Variants in RBM20 observed in about 807,000 individuals in gnomAD.
The protein encoded by RBM20 is RNA binding motif protein 20.
RBM20 carries 51 observed loss-of-function variants against 110.1 expected under a neutral mutation model. That is an observed-to-expected ratio of 0.46 (90% CI 0.37 to 0.59). The LOEUF is 0.59. Among genes scored for constraint, RBM20 ranks in the 20% least tolerant of loss-of-function variants. The probability of loss-of-function intolerance (pLI) is 0.00; values close to 1 mark genes in which losing one functional copy is unlikely to be tolerated. For synonymous variants in RBM20, 589 were observed against 618.2 expected (o/e 0.95, Z 0.70); for missense variants, 1,512 against 1,574.9 (o/e 0.96, Z 0.68).
At chr10:110,688,797 T>G (rs1862542444) in intron 1 of RBM20, among the ~76,000 whole-genome samples, 1 of 152,186 alleles carries the variant, frequency 6.6e-6, no homozygotes, top group South Asian at 2.1e-4. Flanking sequence ...CTATGGACAT[T>G]ATTCAGATTT....
chr10:110,835,820 G>A (rs1845118670), intron 13 of RBM20, 48 bp from the exon 14 acceptor site: 1 of 1,537,468 alleles, frequency 6.5e-7, no homozygotes, highest in South Asian at 1.2e-5. Flanking sequence ...CTCCATCTAG[G>A]TCCCTACTAA....
In RBM20 at chr10:110,821,476, T is replaced by A. The variant is rs1844908719; in HGVS notation, c.2857T>A (p.Leu953Ile). ...PETCLCVTTT[L>I]DLDLAQDFPK... ...AACATGTCTGTGTGTGACAACCACC[T>A]TAGACTTAGACCTGGCCCAGGATTT... The change falls in exon 11 of 14, where the codon TTA becomes ATA. Residue 953 changes from leucine (L) to isoleucine (I), a missense_variant. Physicochemically the swap from Leu to Ile is conservative, Grantham distance 5. Around this residue, in one of 3 missense-constraint regions of RBM20, gnomAD observed 358 missense variants for 384.2 expected, o/e 0.93. Transcript: ENST00000369519. 6.4e-7 allele frequency: 1 copy of A among 1,551,730 alleles called. No homozygotes were observed. Among genetic ancestry groups the A allele is most frequent in the Admixed American group, 2.0e-5 (1 of 50,988 alleles).
intron 1 of RBM20, among the ~76,000 whole-genome samples, chr10:110,771,754 T>C (rs1844195336): frequency 6.6e-6 from 1 of 151,490 alleles, no homozygotes; most frequent in Non-Finnish European, 1.5e-5. Flanking sequence ...TGAAGGGGAG[T>C]AGGGAGGAGG....
chr10:110,684,961 C>T (rs1001262349), intron 1 of RBM20, among the ~76,000 whole-genome samples: 1 of 152,174 alleles, frequency 6.6e-6, no homozygotes, highest in African/African-American at 2.4e-5. Context: ...TGGATGATTG[C>T]GGTGGATCCT....
chr10:110,710,765 C>T (rs1480934858), intron 1 of RBM20, among the ~76,000 whole-genome samples: 1 of 152,222 alleles, frequency 6.6e-6, no homozygotes, highest in Non-Finnish European at 1.5e-5. Context: ...GCTGCCTGCC[C>T]TGGGCTCCTG....
In RBM20 at chr10:110,680,344, G is replaced by T. The variant is rs116204143; in HGVS notation, c.191+35699G>T. ...GCCCACAGGGCTGTTTTCCCTGTCT[G>T]AATGGTCCATTCATAAAATTGCCTC... On this transcript the variant is annotated intron_variant, in intron 1 of 13. Coordinates refer to ENST00000369519, the MANE Select transcript of RBM20 (RefSeq NM_001134363.3). 3.6e-3 allele frequency among the ~76,000 whole-genome samples: 544 copies of T among 152,308 alleles called. 3 individuals carry two copies. Among genetic ancestry groups the T allele is most frequent in the African/African-American group, 0.012 (507 of 41,580 alleles).
chr10:110,722,340 C>T (rs1437562612), intron 1 of RBM20, among the ~76,000 whole-genome samples: 2 of 151,880 alleles, frequency 1.3e-5, no homozygotes, highest in Non-Finnish European at 2.9e-5. Flanking sequence ...CTCCCTCACA[C>T]ATGCACAACC....
intron 1 of RBM20, among the ~76,000 whole-genome samples, chr10:110,700,702 A>G (rs1019392821): frequency 5.9e-5 from 9 of 152,120 alleles, no homozygotes; most frequent in African/African-American, 1.9e-4. Context: ...AAAGCAGGAA[A>G]TGGGATGGGC....
At position 110,839,278 on chromosome 10, in the gene RBM20, C is replaced by G. The variant is rs1200494152; in HGVS notation, c.*3300C>G. The G allele has an allele frequency of 6.6e-6, 1 of 151,966 alleles. No individual in the cohort carries two copies. The highest frequency in any genetic ancestry group is 1.5e-5 in the Non-Finnish European group (1 of 68,012). 9.4% of individuals were successfully genotyped at this position (151,966 alleles called of 1,614,324 possible). On this transcript the variant is annotated 3_prime_UTR_variant, in exon 14 of 14. Transcript: ENST00000369519. ...ATAATTAGATTATACTTGAACTGGA[C>G]CAGAGTTTGTTTTTTGAATTTATGA...
chr10:110,666,017 G>GAGAGAGA (rs1564809572), intron 1 of RBM20, among the ~76,000 whole-genome samples: 3 of 148,520 alleles, frequency 2.0e-5, no homozygotes, highest in Non-Finnish European at 3.0e-5. Flanking sequence ...GAGAGAGAGA[G>GAGAGAGA]GGGAAGGAAG....
intron 1 of RBM20, among the ~76,000 whole-genome samples, chr10:110,671,475 C>T (rs7097565): frequency 0.038 from 5,858 of 152,232 alleles, 406 homozygotes; most frequent in African/African-American, 0.13. Context: ...CTTTGAATTC[C>T]AGCTTGACAC....
intron 1 of RBM20, among the ~76,000 whole-genome samples, chr10:110,741,019 C>T (rs1843719628): frequency 6.6e-6 from 1 of 152,264 alleles, no homozygotes; most frequent in Non-Finnish European, 1.5e-5. Context: ...GTGGCATTCA[C>T]CTGGGCTTTC....
rs768902774 is a variant in RBM20, at chr10:110,655,358, A to G, written c.191+10713A>G. On this transcript the variant is annotated intron_variant, in intron 1 of 13. Transcript: ENST00000369519. ...ATCCCAATTTAAATTCCATGAACAA[A>G]TCTGACTCTGGCATTTGATTCACTG... Among the ~76,000 whole-genome samples the G allele has an allele frequency of 3.0e-4, 46 of 150,900 alleles. 1 individual carries two copies. The highest frequency in any genetic ancestry group is 6.6e-4 in the Non-Finnish European group (45 of 67,896).
chr10:110,664,074 C>T (rs1564809104), intron 1 of RBM20, among the ~76,000 whole-genome samples: 1 of 152,022 alleles, frequency 6.6e-6, no homozygotes, highest in African/African-American at 2.4e-5. Context: ...TTCTTTTAAA[C>T]AAATAAAAAA....
chr10:110,833,098 G>C (rs1429569175), intron 13 of RBM20, among the ~76,000 whole-genome samples: 1 of 152,022 alleles, frequency 6.6e-6, no homozygotes, highest in Non-Finnish European at 1.5e-5. Flanking sequence ...TTTTTGAAAT[G>C]CAGCTTCCTG....
intron 1 of RBM20, among the ~76,000 whole-genome samples, chr10:110,684,083 A>G (rs1328979684): frequency 1.3e-5 from 2 of 152,234 alleles, no homozygotes; most frequent in African/African-American, 4.8e-5. Flanking sequence ...AGTGTCAAGG[A>G]AAACATTGAC....
chr10:110,746,404 C>T (rs965594591), intron 1 of RBM20, among the ~76,000 whole-genome samples: 4 of 152,168 alleles, frequency 2.6e-5, no homozygotes, highest in African/African-American at 4.8e-5. Flanking sequence ...ATTCTCATTA[C>T]GAAACATTCT....
chr10:110,663,866 G>A (rs1862141057), intron 1 of RBM20, among the ~76,000 whole-genome samples: 1 of 152,042 alleles, frequency 6.6e-6, no homozygotes, highest in African/African-American at 2.4e-5. Flanking sequence ...TGATAGAACT[G>A]TACTGACACT....
At chr10:110,821,210 G>A in intron 10 of RBM20, 65 bp from the exon 11 acceptor site, 1 of 1,388,764 alleles carries the variant, frequency 7.2e-7, no homozygotes, top group Admixed American at 2.1e-5. Context: ...TTATGGCCAA[G>A]TCTTGTGCCT....
Sources: gnomAD v4.1 joint callset for allele counts (sites outside exome capture counted in the v4.1 genomes callset) on GRCh38, gnomAD v4.1.1 for gene constraint, gnomAD v4.1.1 regional missense constraint, MANE v1.5 for transcripts, NCBI Gene and HGNC (gene_info 2026-07-23, HGNC 2026-07-21) for gene names.